KIAA0825: variants seen among roughly 807,000 people sequenced by gnomAD.
KIAA0825 encodes the protein KIAA0825, also known as uncharacterized protein KIAA0825.
Under a neutral mutation model 147.6 loss-of-function variants are expected in KIAA0825, and 119 were observed. That is an observed-to-expected ratio of 0.81 (90% confidence interval 0.69 to 0.94). The LOEUF (loss-of-function observed/expected upper bound fraction) is 0.94. KIAA0825 is among the 40% of genes least tolerant of loss of function. The pLI, the probability that KIAA0825 is intolerant of heterozygous loss-of-function variation, is 0.00. For missense variants in KIAA0825, 1,381 were observed against 1,472.7 expected, an observed-to-expected ratio of 0.94 and a Z score of 1.02; for synonymous variants, 470 against 518.1, an observed-to-expected ratio of 0.91 and a Z score of 1.26.
At chr5:94,396,859 C>A (rs1054200489) in intron 16 of KIAA0825, among the ~76,000 whole-genome samples, 2 of 151,936 alleles carry the variant, frequency 1.3e-5, no homozygotes, top group Non-Finnish European at 2.9e-5. Flanking sequence ...ACTTCTGACT[C>A]CCCCTTAAGC....
chr5:94,207,458 A>G (rs75300160), intron 20 of KIAA0825, among the ~76,000 whole-genome samples: 3,638 of 152,270 alleles, frequency 0.024, 148 homozygotes, highest in African/African-American at 0.083. Context: ...CACCTCCTCA[A>G]TGCCTACTCC....
intron 20 of KIAA0825, among the ~76,000 whole-genome samples, chr5:94,271,026 G>A (rs1240458927): frequency 6.6e-6 from 1 of 152,106 alleles, no homozygotes; most frequent in African/African-American, 2.4e-5. Flanking sequence ...TTAGAAAAAT[G>A]TATTAATAGA....
intron 2 of KIAA0825, among the ~76,000 whole-genome samples, chr5:94,562,276 A>G (rs1047256289): frequency 1.6e-4 from 25 of 152,316 alleles, no homozygotes; most frequent in African/African-American, 5.8e-4. Context: ...TTCATATGAA[A>G]TAACTTGAAA....
At chr5:94,260,575 G>A (rs1328633283) in intron 20 of KIAA0825, among the ~76,000 whole-genome samples, 2 of 152,100 alleles carry the variant, frequency 1.3e-5, no homozygotes, top group Non-Finnish European at 2.9e-5. Context: ...AGTTTCTGAA[G>A]TCAGAATATG....
intron 12 of KIAA0825, among the ~76,000 whole-genome samples, chr5:94,453,339 ATTTT>A (rs563316235): frequency 5.9e-5 from 7 of 118,208 alleles, no homozygotes; most frequent in African/African-American, 9.8e-5. Flanking sequence ...CGTGTGGCTG[ATTTT>A]TTTTTTTTTT....
chr5:94,354,424 C>T (rs936299183), intron 20 of KIAA0825, among the ~76,000 whole-genome samples: 3 of 151,858 alleles, frequency 2.0e-5, no homozygotes, highest in African/African-American at 7.3e-5. Flanking sequence ...TTTGGCAAAA[C>T]AGAGATTGAC....
intron 14 of KIAA0825, among the ~76,000 whole-genome samples, chr5:94,434,892 C>T (rs915082263): frequency 6.6e-6 from 1 of 152,132 alleles, no homozygotes; most frequent in East Asian, 1.9e-4. Flanking sequence ...GTTACAATGG[C>T]AATTAAATTT....
intron 1 of KIAA0825, chr5:94,594,431 C>A (rs185447190): frequency 1.0e-4 from 76 of 730,534 alleles, no homozygotes; most frequent in Admixed American, 4.2e-4. Flanking sequence ...CTCCTTATTA[C>A]CATACAGTAG....
At chr5:94,342,412 A>G (rs1782516906) in intron 20 of KIAA0825, among the ~76,000 whole-genome samples, 1 of 152,242 alleles carries the variant, frequency 6.6e-6, no homozygotes, top group Non-Finnish European at 1.5e-5. Flanking sequence ...GTAAAATGAA[A>G]GGAATAATGT....
At chr5:94,428,436 C>T (rs1291943600) in intron 14 of KIAA0825, among the ~76,000 whole-genome samples, 1 of 152,036 alleles carries the variant, frequency 6.6e-6, no homozygotes, top group Non-Finnish European at 1.5e-5. Flanking sequence ...TGTAAGGCTG[C>T]TCTGGTGGTA....
intron 1 of KIAA0825, among the ~76,000 whole-genome samples, chr5:94,613,202 A>AT (rs972756979): frequency 1.3e-5 from 2 of 151,662 alleles, no homozygotes; most frequent in African/African-American, 2.4e-5. Context: ...TGTCCTCTGT[A>AT]TTTTTTTTGA....
At chr5:94,351,000 C>A (rs1395893796) in intron 20 of KIAA0825, among the ~76,000 whole-genome samples, 7 of 151,750 alleles carry the variant, frequency 4.6e-5, no homozygotes, top group Non-Finnish European at 1.0e-4. Context: ...GATTCTCCTG[C>A]CTCAGCCTCC....
chr5:94,564,535 T>TGA (rs1337974562), intron 2 of KIAA0825, among the ~76,000 whole-genome samples: 1 of 66,932 alleles, frequency 1.5e-5, no homozygotes, highest in African/African-American at 6.6e-5. Flanking sequence ...GCCTTATTTT[T>TGA]GAGTGTGTGT....
At chr5:94,223,933 T>G (rs1773900512) in intron 20 of KIAA0825, among the ~76,000 whole-genome samples, 1 of 152,088 alleles carries the variant, frequency 6.6e-6, no homozygotes, top group Admixed American at 6.6e-5. Flanking sequence ...AATATTCTTT[T>G]ACTCTATCCT....
intron 2 of KIAA0825, among the ~76,000 whole-genome samples, chr5:94,548,814 A>G (rs1774965203): frequency 6.6e-6 from 1 of 152,170 alleles, no homozygotes; most frequent in African/African-American, 2.4e-5. Flanking sequence ...CAAGACAAAA[A>G]CTGTAAGAAG....
At chr5:94,166,348 A>T (rs1768028808) in intron 20 of KIAA0825, among the ~76,000 whole-genome samples, 1 of 152,170 alleles carries the variant, frequency 6.6e-6, no homozygotes, top group Non-Finnish European at 1.5e-5. Context: ...GTTTAGTATG[A>T]AATGTCAGTG....
chr5:94,435,758 T>C (rs1213062453), intron 14 of KIAA0825, among the ~76,000 whole-genome samples: 2 of 152,214 alleles, frequency 1.3e-5, no homozygotes, highest in Non-Finnish European at 2.9e-5. Flanking sequence ...ATTGCTCCTT[T>C]TTCTCCACAA....
chr5:94,154,201 TA>T, intron 20 of KIAA0825, 77 bp from the exon 21 acceptor site: 1 of 893,688 alleles, frequency 1.1e-6, no homozygotes, highest in Admixed American at 2.0e-5. Context: ...AAGTCTTGAA[TA>T]TGTAATCTTG....
At chr5:94,496,826 C>T (rs1011205510) in intron 5 of KIAA0825, among the ~76,000 whole-genome samples, 3 of 152,080 alleles carry the variant, frequency 2.0e-5, no homozygotes, top group African/African-American at 7.2e-5. Context: ...AGGTTGTTAG[C>T]AGGGAGGGTA....
Sources: allele counts gnomAD v4.1 joint callset (sites outside exome capture counted in the v4.1 genomes callset), GRCh38; gene constraint gnomAD v4.1.1; transcripts MANE v1.5; gene names NCBI Gene and HGNC (gene_info 2026-07-23, HGNC 2026-07-21).